TAB2: variants seen among roughly 807,000 people sequenced by gnomAD.
TAB2 encodes the protein TGF-beta-activated kinase 1 and MAP3K7-binding protein 2.
A neutral mutation model predicts 65.0 loss-of-function variants in TAB2; 3 were observed. The ratio of observed to expected loss-of-function variants is 0.05; its 90% CI spans 0.02 to 0.12. The LOEUF is 0.12. Among genes scored for constraint, TAB2 ranks in the 10% least tolerant of loss-of-function variants. TAB2 has a pLI of 1.00. For synonymous variants in TAB2, 298 were observed against 285.1 expected (o/e 1.05, Z -0.46); for missense variants, 623 against 840.3 (o/e 0.74, Z 3.20).
At chr6:149,292,474 T>C (rs1366874147) in intron 1 of TAB2, among the ~76,000 whole-genome samples, 1 of 152,174 alleles carries the variant, frequency 6.6e-6, no homozygotes, top group African/African-American at 2.4e-5. Flanking sequence ...CCAGCAAGCA[T>C]TTCTAGAATT....
At chr6:149,328,730 C>T (rs1779691078) in intron 1 of TAB2, among the ~76,000 whole-genome samples, 1 of 152,116 alleles carries the variant, frequency 6.6e-6, no homozygotes, top group African/African-American at 2.4e-5. Context: ...TATATACAAA[C>T]ACATGTGATA....
chr6:149,368,584 A>G (rs1781114511), intron 1 of TAB2, among the ~76,000 whole-genome samples: 1 of 151,400 alleles, frequency 6.6e-6, no homozygotes, highest in East Asian at 1.9e-4. Context: ...TCCTTTACTC[A>G]TTTCTAGTAC....
At chr6:149,371,700 A>G (rs1781232474) in intron 2 of TAB2, among the ~76,000 whole-genome samples, 1 of 152,220 alleles carries the variant, frequency 6.6e-6, no homozygotes, top group Admixed American at 6.5e-5. Context: ...CAGTAGGGTA[A>G]CTGATTCATA....
chr6:149,334,546 G>A (rs562236578), intron 1 of TAB2, among the ~76,000 whole-genome samples: 3 of 152,130 alleles, frequency 2.0e-5, no homozygotes, highest in African/African-American at 7.2e-5. Context: ...GGCAGGTAAA[G>A]TGCACCTGTA....
intron 1 of TAB2, chr6:149,291,758 G>T (rs1444366227): frequency 6.6e-6 from 1 of 152,404 alleles, no homozygotes; most frequent in Non-Finnish European, 1.5e-5. Flanking sequence ...CTACTCAGGT[G>T]GCTGAGGCAG....
intron 6 of TAB2, among the ~76,000 whole-genome samples, chr6:149,403,209 G>A (rs1782498448): frequency 1.4e-5 from 2 of 143,064 alleles, no homozygotes; most frequent in South Asian, 4.4e-4. Context: ...ACTCCAGCCT[G>A]GGCAACGGGA....
intron 1 of TAB2, among the ~76,000 whole-genome samples, chr6:149,327,716 A>G (rs1302747187): frequency 6.6e-6 from 1 of 152,252 alleles, no homozygotes; most frequent in Non-Finnish European, 1.5e-5. Flanking sequence ...ATGTACCTGA[A>G]TTGTACTTGA....
chr6:149,338,430 A>C (rs1338699399), intron 1 of TAB2, among the ~76,000 whole-genome samples: 1 of 152,196 alleles, frequency 6.6e-6, no homozygotes, highest in Non-Finnish European at 1.5e-5. Context: ...ATGCGATTTC[A>C]AGGAGTTGGG....
At chr6:149,276,274 A>G (rs1381705314) in intron 1 of TAB2, among the ~76,000 whole-genome samples, 1 of 152,216 alleles carries the variant, frequency 6.6e-6, no homozygotes, top group Non-Finnish European at 1.5e-5. Context: ...ACAAAGGCAG[A>G]TATAGCTTAG....
At chr6:149,222,401 T>C (rs2114622138) in intron 1 of TAB2, among the ~76,000 whole-genome samples, 1 of 152,224 alleles carries the variant, frequency 6.6e-6, no homozygotes, top group East Asian at 1.9e-4. Flanking sequence ...CCAGATTACT[T>C]GAGGACAGGA....
At position 149,409,869 on chromosome 6, in the gene TAB2, G is replaced by A; in HGVS notation, c.*150G>A. ...TGCTAATGTTAAATGTCAGCCCACAGAGCTAATAATACCTCAGTATAATGT... is the reference window on the plus strand; with the variant it reads ...TGCTAATGTTAAATGTCAGCCCACAAAGCTAATAATACCTCAGTATAATGT... On this transcript the variant is annotated 3_prime_UTR_variant, in exon 7 of 7. Transcript: ENST00000637181. 1 of 849,858 alleles carries A rather than the reference G, an allele frequency of 1.2e-6. No homozygotes were observed. Among genetic ancestry groups the A allele is most frequent in the South Asian group, 1.5e-5 (1 of 68,282 alleles). 52.6% of individuals were successfully genotyped at this position (849,858 alleles called of 1,614,324 possible).
At chr6:149,373,280 C>T (rs774116199) in intron 2 of TAB2, among the ~76,000 whole-genome samples, 2 of 152,166 alleles carry the variant, frequency 1.3e-5, no homozygotes, top group Non-Finnish European at 2.9e-5. Context: ...TTTAAATTCT[C>T]TTAACATGAC....
At chr6:149,254,762 A>G (rs1175987653) in intron 1 of TAB2, among the ~76,000 whole-genome samples, 1 of 152,264 alleles carries the variant, frequency 6.6e-6, no homozygotes, top group Non-Finnish European at 1.5e-5. Flanking sequence ...TCATAAATCC[A>G]TTAAAAATAA....
intron 1 of TAB2, among the ~76,000 whole-genome samples, chr6:149,353,197 C>T (rs1353186944): frequency 6.6e-6 from 1 of 152,132 alleles, no homozygotes; most frequent in South Asian, 2.1e-4. Context: ...GTTACCTCCC[C>T]AACTTTGGAC....
Position 149,259,334 on chromosome 6 carries a change from TACAC to T in TAB2, c.-121+40594_-121+40597del, listed in dbSNP as rs61261942. Among the ~76,000 whole-genome samples the T allele has an allele frequency of 4.0e-3, 587 of 146,016 alleles. 2 individuals carry two copies. The highest frequency in any genetic ancestry group is 7.1e-3 in the Middle Eastern group (2 of 282). On this transcript the variant is annotated intron_variant, in intron 1 of 1. Transcript: ENST00000606202. ...AAGGCTGCCTATAGCACGCTCCCTC[TACAC>T]ACACACACACACACACACACACACA...
intron 1 of TAB2, among the ~76,000 whole-genome samples, chr6:149,273,299 A>G (rs1167067628): frequency 6.6e-6 from 1 of 152,184 alleles, no homozygotes; most frequent in African/African-American, 2.4e-5. Context: ...TGAGGTGGGA[A>G]AAAGAAGATG....
At chr6:149,344,150 AG>A (rs554792168) in intron 1 of TAB2, among the ~76,000 whole-genome samples, 15 of 152,244 alleles carry the variant, frequency 9.9e-5, no homozygotes, top group Non-Finnish European at 2.2e-4. Flanking sequence ...AGAGCTGGAA[AG>A]GGAGCTACTA....
intron 1 of TAB2, among the ~76,000 whole-genome samples, chr6:149,226,971 G>T (rs190589975): frequency 1.3e-5 from 2 of 152,290 alleles, no homozygotes; most frequent in African/African-American, 4.8e-5. Context: ...TTTCAAAAGG[G>T]TTATTTGGTT....
intron 1 of TAB2, chr6:149,243,863 C>A (rs1777648403): frequency 6.6e-6 from 1 of 152,202 alleles, no homozygotes; most frequent in African/African-American, 2.4e-5. Context: ...ACTGTGAAAT[C>A]TGAAAACATC....
Sources: allele counts gnomAD v4.1 joint callset (sites outside exome capture counted in the v4.1 genomes callset), GRCh38; gene constraint gnomAD v4.1.1; transcripts MANE v1.5; gene names NCBI Gene and HGNC (gene_info 2026-07-23, HGNC 2026-07-21).